The following LASP1 variants were observed in gnomAD, a reference collection of about 807,000 sequenced individuals.
LASP1 encodes the protein LIM and SH3 protein 1.
In LASP1, 10 loss-of-function variants were observed where a neutral mutation model predicts 38.6. The observed-to-expected ratio is 0.26, with a 90% CI of 0.16 to 0.44. The LOEUF is 0.44. Among genes scored for constraint, LASP1 ranks in the 20% least tolerant of loss-of-function variants. The probability of loss-of-function intolerance (pLI) is 1.00; values close to 1 mark genes in which losing one functional copy is unlikely to be tolerated. For synonymous variants in LASP1, 132 were observed against 140.8 expected (o/e 0.94, Z 0.44); for missense variants, 243 against 375.7 (o/e 0.65, Z 2.92).
chr17:38,904,486 G>T (rs1346113163), intron 4 of LASP1: 2 of 152,010 alleles, frequency 1.3e-5, no homozygotes, highest in African/African-American at 4.8e-5. Flanking sequence ...CCAGTTACTT[G>T]GGAAGCTGAG....
intron 4 of LASP1, among the ~76,000 whole-genome samples, chr17:38,913,086 A>G (rs1449213087): frequency 6.6e-6 from 1 of 152,008 alleles, no homozygotes; most frequent in Non-Finnish European, 1.5e-5. Context: ...CTTGATGGCT[A>G]ATGCAGCCAG....
chr17:38,877,603 C>A (rs1913817684), intron 1 of LASP1, among the ~76,000 whole-genome samples: 1 of 152,138 alleles, frequency 6.6e-6, no homozygotes, highest in Non-Finnish European at 1.5e-5. Flanking sequence ...GAGCTAGGAG[C>A]ACCTGGGTTC....
chr17:38,884,943 G>A (rs763318703), intron 2 of LASP1, among the ~76,000 whole-genome samples: 1 of 151,996 alleles, frequency 6.6e-6, no homozygotes, highest in African/African-American at 2.4e-5. Flanking sequence ...CGCCCGCTTC[G>A]GCCTCCCAAA....
Position 38,918,301 on chromosome 17 carries a change from T to C in LASP1, c.613-304T>C, listed in dbSNP as rs1915192569. 6.6e-6 allele frequency among the ~76,000 whole-genome samples: 1 copy of C among 152,184 alleles called. No individual in the cohort carries two copies. Among genetic ancestry groups the C allele is most frequent in the Non-Finnish European group, 1.5e-5 (1 of 68,036 alleles). On this transcript the variant is annotated intron_variant, in intron 6 of 6. Coordinates refer to ENST00000318008, the MANE Select transcript of LASP1 (RefSeq NM_006148.4). This position sits in a 1 kb window ranked among gnomAD's most constrained non-coding sequence, Gnocchi z 4.4. ...GCCTGCATGTCGTATTTTTAGACAT[T>C]ACTCTGTCATCATGGCTGGTGGACC...
chr17:38,907,179 G>A lies in LASP1; in HGVS notation c.358-7146G>A, dbSNP rs576704682. ...GCGAGGGGAAGGAGAGGAAGCTGAGGGTTTGGAAATTTTATCCAAGTGGGC... is the reference window on the plus strand; with the variant it reads ...GCGAGGGGAAGGAGAGGAAGCTGAGAGTTTGGAAATTTTATCCAAGTGGGC... On this transcript the variant is annotated intron_variant, in intron 4 of 6. Coordinates refer to ENST00000318008, the MANE Select transcript of LASP1 (RefSeq NM_006148.4). 1.4e-4 allele frequency among the ~76,000 whole-genome samples: 22 copies of A among 152,274 alleles called. No individual in the cohort carries two copies. The South Asian group carries it at 4.4e-3, about 30-fold the overall frequency.
At chr17:38,907,218 A>C (rs226229) in intron 4 of LASP1, among the ~76,000 whole-genome samples, 59,522 of 151,960 alleles carry the variant, frequency 0.39, 13,509 homozygotes, top group Middle Eastern at 0.56. Context: ...GGCTGGAAGG[A>C]GCTGAGCCTC....
At chr17:38,887,654 G>A (rs925520214) in intron 2 of LASP1, among the ~76,000 whole-genome samples, 13 of 152,160 alleles carry the variant, frequency 8.5e-5, no homozygotes, top group Non-Finnish European at 1.8e-4. Flanking sequence ...GACGGGCACC[G>A]CTAGGATCAT....
intron 5 of LASP1, among the ~76,000 whole-genome samples, chr17:38,914,677 GACACACACACACACAC>G (rs10599326): frequency 6.8e-5 from 10 of 146,770 alleles, no homozygotes; most frequent in East Asian, 2.1e-4. Context: ...GCGAGAGACA[GACACACACACACACAC>G]ACACACACAC....
At position 38,870,102 on chromosome 17, in the gene LASP1, T is replaced by TGCAGCC; in HGVS notation, c.-85_-80dup. 3 of 1,453,598 alleles carry TGCAGCC rather than the reference T, an allele frequency of 2.1e-6. No individual in the cohort carries two copies. The allele number at this position is 1,453,598 out of a possible 1,614,324, so 90.0% of individuals were successfully genotyped here. ...CCGCCGTCGCTGCTGCCTGTGTAGTTGCAGCCGCGGCCGCCTCCCGCCAGC... is the reference window on the plus strand; with the variant it reads ...CCGCCGTCGCTGCTGCCTGTGTAGTTGCAGCCGCAGCCGCGGCCGCCTCCCGCCAGC... On this transcript the variant is annotated 5_prime_UTR_variant, in exon 1 of 7. Transcript: ENST00000318008.
At chr17:38,878,956 A>ACCTCC (rs1236522524) in intron 2 of LASP1, among the ~76,000 whole-genome samples, 3 of 151,126 alleles carry the variant, frequency 2.0e-5, no homozygotes, top group South Asian at 2.1e-4. Context: ...CTGGAGGAAT[A>ACCTCC]CCTCCCCTCC....
At chr17:38,895,290 A>G (rs1469528413) in intron 3 of LASP1, among the ~76,000 whole-genome samples, 1 of 151,298 alleles carries the variant, frequency 6.6e-6, no homozygotes, top group Non-Finnish European at 1.5e-5. Context: ...GATTACAGAC[A>G]TGAGCCATTT....
intron 2 of LASP1, among the ~76,000 whole-genome samples, chr17:38,880,938 A>G (rs1292987830): frequency 2.0e-5 from 3 of 152,154 alleles, no homozygotes; most frequent in Non-Finnish European, 4.4e-5. Context: ...ACTCGTCTCT[A>G]CTAAAAATAC....
At chr17:38,894,615 G>C (rs1355471968) in intron 3 of LASP1, among the ~76,000 whole-genome samples, 1 of 152,306 alleles carries the variant, frequency 6.6e-6, no homozygotes, top group East Asian at 1.9e-4. Flanking sequence ...CCGGAAAGGA[G>C]AGGAAATGGA....
intron 3 of LASP1, among the ~76,000 whole-genome samples, chr17:38,896,498 C>T (rs1365669924): frequency 6.6e-6 from 1 of 152,208 alleles, no homozygotes; most frequent in Non-Finnish European, 1.5e-5. Context: ...AAGCAGTTCC[C>T]GATCCTGGGA....
chr17:38,875,187 G>T (rs1350789859), intron 1 of LASP1, among the ~76,000 whole-genome samples: 2 of 152,088 alleles, frequency 1.3e-5, no homozygotes, highest in African/African-American at 4.8e-5. Context: ...GCCTAGGCAG[G>T]GGCCTGTGCA....
intron 3 of LASP1, among the ~76,000 whole-genome samples, chr17:38,895,491 A>AT (rs142618959): frequency 9.3e-5 from 14 of 150,556 alleles, no homozygotes; most frequent in Admixed American, 1.3e-4. Flanking sequence ...CTTTTTTTGT[A>AT]TTTTTTTTAG....
At chr17:38,873,140 CAGGTGG>C (rs1913658395) in intron 1 of LASP1, among the ~76,000 whole-genome samples, 1 of 152,154 alleles carries the variant, frequency 6.6e-6, no homozygotes, top group African/African-American at 2.4e-5. Context: ...TTTCTGAAAA[CAGGTGG>C]AGGTAGAGGA....
chr17:38,920,209 CAT>C lies in LASP1; in HGVS notation c.*1434_*1435del. 2 of 491,956 alleles carry C rather than the reference CAT, an allele frequency of 4.1e-6. No individual in the cohort carries two copies. The highest frequency in any genetic ancestry group is 7.9e-6 in the Non-Finnish European group (2 of 251,734). 30.5% of individuals were successfully genotyped at this position (491,956 alleles called of 1,614,324 possible). ...TGGAGGAAGGCTCTGTCACTCCAGGCATATGTTTCCCCATCTCTGTCTGGGGC... is the reference window on the plus strand; with the variant it reads ...TGGAGGAAGGCTCTGTCACTCCAGGCATGTTTCCCCATCTCTGTCTGGGGC... On this transcript the variant is annotated 3_prime_UTR_variant, in exon 7 of 7. Transcript: ENST00000318008.
intron 4 of LASP1, among the ~76,000 whole-genome samples, chr17:38,908,220 A>G (rs1394765280): frequency 6.6e-6 from 1 of 152,184 alleles, no homozygotes; most frequent in African/African-American, 2.4e-5. Context: ...GCCCCTGTCC[A>G]TTCCGTGTCT....
Sources: allele counts gnomAD v4.1 joint callset (sites outside exome capture counted in the v4.1 genomes callset), GRCh38; gene constraint gnomAD v4.1.1; non-coding constraint Gnocchi (gnomAD v3.1); transcripts MANE v1.5; gene names NCBI Gene and HGNC (gene_info 2026-07-23, HGNC 2026-07-21).